The following MRRF variants were observed in gnomAD, a reference collection of about 807,000 sequenced individuals.
MRRF encodes the protein ribosome-recycling factor, mitochondrial.
Under a neutral mutation model 25.1 loss-of-function variants are expected in MRRF, and 18 were observed. The ratio of observed to expected loss-of-function variants is 0.72; its 90% CI spans 0.50 to 1.06. MRRF has a LOEUF of 1.06. Ranked by LOEUF, MRRF falls within the 50% of genes least tolerant of loss-of-function variation. The pLI, the probability that MRRF is intolerant of heterozygous loss-of-function variation, is 0.00. For synonymous variants in MRRF, 113 were observed against 112.1 expected, an observed-to-expected ratio of 1.01 and a Z score of -0.05; for missense variants, 323 against 319.3, an observed-to-expected ratio of 1.01 and a Z score of -0.09.
intron 6 of MRRF, among the ~76,000 whole-genome samples, chr9:122,314,726 AT>A (rs1835409664): frequency 6.6e-6 from 1 of 152,096 alleles, no homozygotes; most frequent in South Asian, 2.1e-4. Flanking sequence ...TAGAAAACAG[AT>A]TGTAGGGGGC....
At chr9:122,286,409 A>T (rs1833410650) in intron 4 of MRRF, among the ~76,000 whole-genome samples, 1 of 152,176 alleles carries the variant, frequency 6.6e-6, no homozygotes, top group African/African-American at 2.4e-5. Context: ...TGAGTTTTTG[A>T]AAAATATATA....
intron 6 of MRRF, among the ~76,000 whole-genome samples, chr9:122,316,169 A>G (rs1835503803): frequency 1.3e-5 from 2 of 151,982 alleles, no homozygotes; most frequent in African/African-American, 4.8e-5. Flanking sequence ...CTTTCTAAAC[A>G]TATTATTATT....
intron 6 of MRRF, among the ~76,000 whole-genome samples, chr9:122,321,328 C>A (rs1049663475): frequency 6.6e-6 from 1 of 152,178 alleles, no homozygotes; most frequent in Non-Finnish European, 1.5e-5. Flanking sequence ...CATATTAACA[C>A]CCTATCCTTA....
At chr9:122,278,707 T>C (rs74625190) in intron 2 of MRRF, among the ~76,000 whole-genome samples, 5,946 of 152,356 alleles carry the variant, frequency 0.039, 148 homozygotes, top group Non-Finnish European at 0.061. Flanking sequence ...TTCTGGCTTC[T>C]GTTGTTGCTC....
chr9:122,316,104 C>G (rs551039380), intron 6 of MRRF, among the ~76,000 whole-genome samples: 1 of 152,166 alleles, frequency 6.6e-6, no homozygotes, highest in African/African-American at 2.4e-5. Context: ...CAAGTTATCT[C>G]TCGAAACAAG....
At chr9:122,267,288 G>A (rs1832174460) in intron 1 of MRRF, among the ~76,000 whole-genome samples, 1 of 151,214 alleles carries the variant, frequency 6.6e-6, no homozygotes, top group Non-Finnish European at 1.5e-5. Context: ...GGCTGAGGCA[G>A]GAGAATCCCC....
chr9:122,265,877 A>G (rs749270488), intron 1 of MRRF: 6 of 619,876 alleles, frequency 9.7e-6, no homozygotes, highest in Non-Finnish European at 1.6e-5. Flanking sequence ...TGCCAGGTGC[A>G]TAATGATTCT....
rs1836045515 is a variant in MRRF, at chr9:122,324,320, G to T, written c.*1703G>T. The T allele has an allele frequency of 6.6e-6, 1 of 152,220 alleles. No individual in the cohort carries two copies. The highest frequency in any genetic ancestry group is 1.5e-5 in the Non-Finnish European group (1 of 68,048). The allele number at this position is 152,220 out of a possible 1,614,324, so 9.4% of individuals were successfully genotyped here. A position where few individuals can be genotyped will look rare whatever the true frequency, so the allele number is the denominator to read the frequency against. On this transcript the variant is annotated 3_prime_UTR_variant, in exon 7 of 7. Coordinates refer to ENST00000344641, the MANE Select transcript of MRRF (RefSeq NM_138777.5). ...TCACTGGTTTATTATAAAAGATACA[G>T]CTGAACAGCCCAATGAAGGAGGTAC... is the stretch of plus-strand genomic sequence containing the variant.
At chr9:122,271,181 C>T in intron 2 of MRRF, 106 bp downstream of exon 2, 2 of 990,984 alleles carry the variant, frequency 2.0e-6, no homozygotes, top group East Asian at 4.8e-5. Context: ...CCCTTGCTAA[C>T]ATGAGGAAAT....
rs775740913 is a variant in MRRF at position 122,285,299 on chromosome 9, T to G, written c.459+12T>G. On this transcript the variant is annotated intron_variant, in intron 4 of 6. Transcript: ENST00000344641. ...CCAGCTTCCCAGAGGTAAGATGGCC[T>G]TGCTAAAATCTCTCTCCGTGGTCTC... 3 of 1,510,506 alleles carry G rather than the reference T, an allele frequency of 2.0e-6. No homozygotes were observed. In the Admixed American group the frequency reaches 5.0e-5, roughly 25 times the overall value. The allele number at this position is 1,510,506 out of a possible 1,614,324, so 93.6% of individuals were successfully genotyped here.
chr9:122,269,910 G>A (rs1041076744), intron 1 of MRRF, among the ~76,000 whole-genome samples: 2 of 152,056 alleles, frequency 1.3e-5, no homozygotes, highest in Non-Finnish European at 2.9e-5. Flanking sequence ...TATAGTTGAA[G>A]AAATCAAGGA....
At chr9:122,308,905 C>G (rs1835036308) in intron 5 of MRRF, among the ~76,000 whole-genome samples, 1 of 152,056 alleles carries the variant, frequency 6.6e-6, no homozygotes, top group African/African-American at 2.4e-5. Flanking sequence ...GTCTCACTGA[C>G]TTGTCCAGGC....
intron 5 of MRRF, among the ~76,000 whole-genome samples, chr9:122,304,157 T>C (rs1037620614): frequency 6.6e-6 from 1 of 152,104 alleles, no homozygotes; most frequent in Non-Finnish European, 1.5e-5. Context: ...ATGACCTGAC[T>C]TGGGCTGGGG....
Position 122,326,433 on chromosome 9 carries a change from A to T in MRRF, c.*3816A>T, listed in dbSNP as rs927360122. The T allele has an allele frequency of 2.6e-5, 4 of 151,988 alleles. No individual in the cohort carries two copies. The highest frequency in any genetic ancestry group is 5.9e-5 in the Non-Finnish European group (4 of 67,964). The allele number at this position is 151,988 out of a possible 1,614,324, so 9.4% of individuals were successfully genotyped here. A position where few individuals can be genotyped will look rare whatever the true frequency, so the allele number is the denominator to read the frequency against. On this transcript the variant is annotated 3_prime_UTR_variant, in exon 7 of 7. Coordinates refer to ENST00000344641, the MANE Select transcript of MRRF (RefSeq NM_138777.5). ...GCCATATAATTTTTTAGAAGGAGAG[A>T]GGGGAACTATTCATATTCTGATGTT...
At chr9:122,287,174 T>C (rs1833468576) in intron 4 of MRRF, among the ~76,000 whole-genome samples, 1 of 152,252 alleles carries the variant, frequency 6.6e-6, no homozygotes, top group South Asian at 2.1e-4. Flanking sequence ...TTTTCTTTAT[T>C]GCACTTATTA....
At chr9:122,290,925 TC>T (rs1445860196) in intron 4 of MRRF, among the ~76,000 whole-genome samples, 1 of 152,198 alleles carries the variant, frequency 6.6e-6, no homozygotes, top group Non-Finnish European at 1.5e-5. Flanking sequence ...CATGAAGACA[TC>T]AACTCCACCT....
intron 4 of MRRF, chr9:122,285,987 T>G (rs1008196366): frequency 1.5e-6 from 2 of 1,303,910 alleles, no homozygotes; most frequent in Admixed American, 2.3e-5. Flanking sequence ...AGCTTTATGA[T>G]TTTAAGTGTA....
At chr9:122,269,870 C>T (rs1832343204) in intron 1 of MRRF, among the ~76,000 whole-genome samples, 1 of 151,960 alleles carries the variant, frequency 6.6e-6, no homozygotes. Flanking sequence ...TATTCCTAAC[C>T]CTAAGAAATG....
At chr9:122,305,073 C>T (rs888939827) in intron 5 of MRRF, among the ~76,000 whole-genome samples, 14 of 152,000 alleles carry the variant, frequency 9.2e-5, no homozygotes, top group African/African-American at 3.4e-4. Context: ...TTTCAAGTAG[C>T]TGGGAATACA....
Sources: gnomAD v4.1 joint callset for allele counts (sites outside exome capture counted in the v4.1 genomes callset) on GRCh38, gnomAD v4.1.1 for gene constraint, MANE v1.5 for transcripts, NCBI Gene and HGNC (gene_info 2026-07-23, HGNC 2026-07-21) for gene names.